The following STK32A variants were observed in gnomAD, a reference collection of about 807,000 sequenced individuals.
The protein encoded by STK32A is serine/threonine-protein kinase 32A.
Under a neutral mutation model 53.2 loss-of-function variants are expected in STK32A, and 41 were observed. That is an observed-to-expected ratio of 0.77 (90% CI 0.60 to 1.00). The LOEUF (loss-of-function observed/expected upper bound fraction) is 1.00. Ranked by LOEUF, STK32A falls within the 50% of genes least tolerant of loss-of-function variation. STK32A has a pLI of 0.00. For synonymous variants in STK32A, 166 were observed against 162.8 expected, an observed-to-expected ratio of 1.02 and a Z score of -0.15; for missense variants, 458 against 485.8, an observed-to-expected ratio of 0.94 and a Z score of 0.54.
chr5:147,303,127 A>AC (rs1414775670), intron 4 of STK32A, among the ~76,000 whole-genome samples: 5 of 152,222 alleles, frequency 3.3e-5, no homozygotes, highest in Non-Finnish European at 5.9e-5. Context: ...TCCTGTTAAA[A>AC]GAAGACGCTT....
chr5:147,266,981 C>A (rs1034358101), intron 2 of STK32A, among the ~76,000 whole-genome samples: 2 of 151,580 alleles, frequency 1.3e-5, no homozygotes, highest in African/African-American at 4.9e-5. Context: ...CGAGATTGTG[C>A]CATTGCACTT....
chr5:147,255,672 C>T lies in STK32A; in HGVS notation c.52+15986C>T, dbSNP rs372885905. Among the ~76,000 whole-genome samples the T allele has an allele frequency of 1.4e-4, 21 of 152,310 alleles. No homozygotes were observed. The East Asian group carries it at 3.1e-3, about 22-fold the overall frequency. ...ATGATGCAAACTACCCCTCTTTCTG[C>T]TACTATCATGTCTAAGGCTATTTTA... is the stretch of plus-strand genomic sequence containing the variant. On this transcript the variant is annotated intron_variant, in intron 2 of 12. Transcript: ENST00000397936.
rs1431904472 is a variant in STK32A, at chr5:147,314,864, CCT to C, written c.261-9031_261-9030del. Among the ~76,000 whole-genome samples the C allele has an allele frequency of 7.9e-5, 12 of 151,922 alleles. No homozygotes were observed. The East Asian group carries it at 2.3e-3, about 29-fold the overall frequency. On this transcript the variant is annotated intron_variant, in intron 4 of 12. Transcript: ENST00000397936. ...GGCTCAAGTCATCCTCCTGCCTCAG[CCT>C]CTTGAGTAGCTGGGACTGCAGGCAT...
chr5:147,397,641 A>G, the STK32A span: 5 of 1,603,542 alleles, frequency 3.1e-6, no homozygotes, highest in Non-Finnish European at 4.3e-6. Context: ...CTCCTGCACC[A>G]CCTCAGAGCT....
intron 8 of STK32A, among the ~76,000 whole-genome samples, chr5:147,368,448 A>AGTGTGT (rs59156712): frequency 1.3e-5 from 2 of 150,822 alleles, no homozygotes; most frequent in African/African-American, 4.9e-5. Context: ...CATTTATTTA[A>AGTGTGT]GTGTGTGTGT....
At chr5:147,397,697 T>C in the STK32A span, 7 of 1,614,008 alleles carry the variant, frequency 4.3e-6, no homozygotes, top group Admixed American at 1.7e-5. Context: ...CTTGTAGACA[T>C]AGTCGGAGAA....
At chr5:147,305,833 C>T (rs1007798887) in intron 4 of STK32A, among the ~76,000 whole-genome samples, 25 of 151,802 alleles carry the variant, frequency 1.6e-4, no homozygotes, top group Non-Finnish European at 2.9e-4. Flanking sequence ...CTACTATTAA[C>T]ATTCTTATTT....
At chr5:147,399,379 G>C in the STK32A span, 1 of 1,119,128 alleles carries the variant, frequency 8.9e-7, no homozygotes, top group East Asian at 2.7e-5. Context: ...TGAAAAGCTG[G>C]TGAGCTACAG....
Position 147,384,254 on chromosome 5 carries a change from A to G in STK32A, c.*271A>G. Reference sequence around the variant, plus strand: ...TATTTATCTAAAATGAGAGGGTTATACTAGACGAGCCATACCCTGCCTTTT... The same window carrying G: ...TATTTATCTAAAATGAGAGGGTTATGCTAGACGAGCCATACCCTGCCTTTT... On this transcript the variant is annotated 3_prime_UTR_variant, in exon 13 of 13. Coordinates refer to ENST00000397936, the MANE Select transcript of STK32A (RefSeq NM_001112724.2). 1.5e-6 allele frequency: 2 copies of G among 1,341,600 alleles called. No individual in the cohort carries two copies. Among genetic ancestry groups the G allele is most frequent in the Non-Finnish European group, 2.0e-6 (2 of 1,023,894 alleles). 83.1% of individuals were successfully genotyped at this position (1,341,600 alleles called of 1,614,324 possible). A position where few individuals can be genotyped will look rare whatever the true frequency, so the allele number is the denominator to read the frequency against.
chr5:147,279,553 A>T (rs540189437), intron 4 of STK32A, among the ~76,000 whole-genome samples, 155 bp downstream of exon 4: 1 of 152,338 alleles, frequency 6.6e-6, no homozygotes, highest in South Asian at 2.1e-4. Context: ...GAAAACAGTG[A>T]AAGTACAGAG....
intron 4 of STK32A, among the ~76,000 whole-genome samples, chr5:147,281,627 A>G (rs1006258998): frequency 1.3e-5 from 2 of 151,836 alleles, no homozygotes; most frequent in Admixed American, 6.6e-5. Flanking sequence ...GACCAAACCT[A>G]AGAATAATGG....
chr5:147,323,864 A>T (rs1754440092), intron 4 of STK32A, 34 bp from the exon 5 acceptor site: 1 of 1,567,616 alleles, frequency 6.4e-7, no homozygotes, highest in African/African-American at 1.4e-5. Flanking sequence ...GTGTAAATAT[A>T]TTTGATAAGT....
At chr5:147,283,488 GATAA>G (rs1420949027) in intron 4 of STK32A, among the ~76,000 whole-genome samples, 4 of 149,042 alleles carry the variant, frequency 2.7e-5, no homozygotes, top group Non-Finnish European at 6.0e-5. Context: ...AAAAAAGAAA[GATAA>G]ATAAAACAAA....
the STK32A span, chr5:147,395,498 TCAGAACATTGA>T: frequency 6.5e-7 from 1 of 1,550,324 alleles, no homozygotes; most frequent in East Asian, 2.4e-5. Flanking sequence ...CCCTGTGGCC[TCAGAACATTGA>T]TCTTCCCCTT....
In STK32A at chr5:147,384,158, G is replaced by A. The variant is rs1757562329; in HGVS notation, c.*175G>A. Reference sequence around the variant, plus strand: ...TGAAGGGTCCTGGGCCTGAGCTCCTGGGATGTCATTTCACATCAATCAACT... The same window carrying A: ...TGAAGGGTCCTGGGCCTGAGCTCCTAGGATGTCATTTCACATCAATCAACT... On this transcript the variant is annotated 3_prime_UTR_variant, in exon 13 of 13. Transcript: ENST00000397936. 6.9e-7 allele frequency: 1 copy of A among 1,448,218 alleles called. No homozygotes were observed. Among genetic ancestry groups the A allele is most frequent in the Admixed American group, 3.2e-5 (1 of 31,112 alleles). The allele number at this position is 1,448,218 out of a possible 1,614,324, so 89.7% of individuals were successfully genotyped here.
intron 9 of STK32A, among the ~76,000 whole-genome samples, chr5:147,372,204 T>C (rs1757030110): frequency 6.9e-6 from 1 of 144,412 alleles, no homozygotes; most frequent in Non-Finnish European, 1.5e-5. Context: ...TAGCGGGAGG[T>C]CAAAAGTGTA....
chr5:147,270,722 G>T (rs1223703699), intron 2 of STK32A, among the ~76,000 whole-genome samples: 5 of 152,108 alleles, frequency 3.3e-5, no homozygotes, highest in African/African-American at 4.8e-5. Context: ...CAGCATTAAA[G>T]AAATAAAGTA....
At chr5:147,244,493 GACAC>G (rs1753704365) in intron 2 of STK32A, among the ~76,000 whole-genome samples, 1 of 152,160 alleles carries the variant, frequency 6.6e-6, no homozygotes, top group Admixed American at 6.5e-5. Context: ...TTAGTAATGG[GACAC>G]AGCCTGGCAT....
intron 5 of STK32A, among the ~76,000 whole-genome samples, chr5:147,330,209 A>C (rs892029544): frequency 6.6e-6 from 1 of 152,176 alleles, no homozygotes; most frequent in African/African-American, 2.4e-5. Flanking sequence ...ACTGGGCAAG[A>C]ATCCACTTCC....
Sources: allele counts gnomAD v4.1 joint callset (sites outside exome capture counted in the v4.1 genomes callset), GRCh38; gene constraint gnomAD v4.1.1; transcripts MANE v1.5; gene names NCBI Gene and HGNC (gene_info 2026-07-23, HGNC 2026-07-21).